KCNJ3: variants seen among roughly 807,000 people sequenced by gnomAD.
The protein encoded by KCNJ3 is G protein-activated inward rectifier potassium channel 1.
Under a neutral mutation model 39.2 loss-of-function variants are expected in KCNJ3, and 4 were observed. The ratio of observed to expected loss-of-function variants is 0.10; its 90% CI spans 0.05 to 0.23. The LOEUF is 0.23. Ranked by LOEUF, KCNJ3 falls within the 10% of genes least tolerant of loss-of-function variation. KCNJ3 has a pLI of 1.00. For synonymous variants in KCNJ3, 230 were observed against 237.4 expected, an observed-to-expected ratio of 0.97 and a Z score of 0.29; for missense variants, 276 against 634.9, an observed-to-expected ratio of 0.43 and a Z score of 6.08.
At chr2:154,798,580 C>T (rs889825854) in intron 2 of KCNJ3, among the ~76,000 whole-genome samples, 2 of 152,030 alleles carry the variant, frequency 1.3e-5, no homozygotes, top group Non-Finnish European at 2.9e-5. Context: ...TGGGATATAT[C>T]GGGATATATC....
chr2:154,744,074 T>G (rs1427953762), intron 2 of KCNJ3, among the ~76,000 whole-genome samples: 1 of 151,776 alleles, frequency 6.6e-6, no homozygotes, highest in African/African-American at 2.4e-5. Flanking sequence ...ATATTAGTAC[T>G]ATTTCTGCAT....
At chr2:154,730,290 A>T (rs548772890) in intron 2 of KCNJ3, among the ~76,000 whole-genome samples, 1 of 152,206 alleles carries the variant, frequency 6.6e-6, no homozygotes, top group African/African-American at 2.4e-5. Flanking sequence ...TTTTAGTTGT[A>T]CATATTTTTG....
chr2:154,783,077 C>T (rs1686466860), intron 2 of KCNJ3, among the ~76,000 whole-genome samples: 1 of 152,054 alleles, frequency 6.6e-6, no homozygotes, highest in Non-Finnish European at 1.5e-5. Context: ...ACTCGGGAGG[C>T]TGAGGCAGGA....
chr2:154,756,018 G>C (rs1302144013), intron 2 of KCNJ3, among the ~76,000 whole-genome samples: 2 of 151,906 alleles, frequency 1.3e-5, no homozygotes, highest in Admixed American at 1.3e-4. Context: ...TGTCACTTTG[G>C]GGCAGACCTT....
intron 2 of KCNJ3, among the ~76,000 whole-genome samples, chr2:154,779,919 A>C (rs911080139): frequency 6.6e-6 from 1 of 152,118 alleles, no homozygotes; most frequent in Non-Finnish European, 1.5e-5. Context: ...GCTTCAAAAC[A>C]TGCCTCTGTT....
chr2:154,729,545 GT>G (rs1685416889), intron 2 of KCNJ3, among the ~76,000 whole-genome samples: 4 of 152,064 alleles, frequency 2.6e-5, no homozygotes, highest in Admixed American at 2.0e-4. Context: ...AGGCCTTCTT[GT>G]TGTTGTTCTT....
intron 2 of KCNJ3, among the ~76,000 whole-genome samples, chr2:154,777,809 T>G (rs1032421194): frequency 6.6e-6 from 1 of 152,202 alleles, no homozygotes; most frequent in African/African-American, 2.4e-5. Flanking sequence ...GTTGTCCTAA[T>G]TTAATTTAGA....
chr2:154,813,033 T>C (rs1687028348), intron 2 of KCNJ3, among the ~76,000 whole-genome samples: 2 of 152,210 alleles, frequency 1.3e-5, no homozygotes, highest in South Asian at 4.1e-4. Context: ...GTTTTTCAAA[T>C]GCAGAAACTG....
chr2:154,845,334 G>T lies in KCNJ3; in HGVS notation c.920-9393G>T, dbSNP rs555342300. Among the ~76,000 whole-genome samples, 48 of 152,072 alleles carry T rather than the reference G, an allele frequency of 3.2e-4. No individual in the cohort carries two copies. In the East Asian group the frequency reaches 8.9e-3, roughly 28 times the overall value. On this transcript the variant is annotated intron_variant, in intron 2 of 2. Transcript: ENST00000295101. ...GGGTTTTACCATGTTGTTCAGGCTG[G>T]TCTCGAACTCCTGACCTCAAGTGAT... is the stretch of plus-strand genomic sequence containing the variant.
At chr2:154,707,685 C>A (rs1486898708) in intron 1 of KCNJ3, among the ~76,000 whole-genome samples, 1 of 151,940 alleles carries the variant, frequency 6.6e-6, no homozygotes, top group Non-Finnish European at 1.5e-5. Context: ...TCAACAATGC[C>A]ATGTAGTTCA....
intron 2 of KCNJ3, among the ~76,000 whole-genome samples, chr2:154,819,829 A>G (rs1687141837): frequency 6.6e-6 from 1 of 152,084 alleles, no homozygotes. Context: ...ACTCCCGGAT[A>G]CAACACTATT....
intron 2 of KCNJ3, among the ~76,000 whole-genome samples, chr2:154,726,792 T>C (rs1379446138): frequency 3.9e-5 from 4 of 101,316 alleles, no homozygotes; most frequent in African/African-American, 1.7e-4. Context: ...ACATTTTATA[T>C]ACATACACAC....
chr2:154,787,991 A>G (rs189545736), intron 2 of KCNJ3, among the ~76,000 whole-genome samples: 2 of 152,298 alleles, frequency 1.3e-5, no homozygotes, highest in East Asian at 3.9e-4. Context: ...GTGTTTAGAA[A>G]GACACATAGA....
intron 2 of KCNJ3, among the ~76,000 whole-genome samples, chr2:154,839,615 A>ATGAT (rs1315993097): frequency 6.6e-6 from 1 of 152,106 alleles, no homozygotes; most frequent in East Asian, 1.9e-4. Flanking sequence ...TGACTTTTTA[A>ATGAT]TGATTGCCTT....
At chr2:154,727,452 C>T (rs973660415) in intron 2 of KCNJ3, among the ~76,000 whole-genome samples, 7 of 151,154 alleles carry the variant, frequency 4.6e-5, no homozygotes, top group Non-Finnish European at 8.9e-5. Flanking sequence ...ATCAACCAGG[C>T]GTGGTGGTGC....
At chr2:154,731,969 T>A (rs1685456216) in intron 2 of KCNJ3, among the ~76,000 whole-genome samples, 1 of 151,980 alleles carries the variant, frequency 6.6e-6, no homozygotes, top group Non-Finnish European at 1.5e-5. Context: ...AGACTAAACA[T>A]GTTAAAATAC....
At chr2:154,753,710 G>T (rs1429612475) in intron 2 of KCNJ3, among the ~76,000 whole-genome samples, 1 of 50,502 alleles carries the variant, frequency 2.0e-5, no homozygotes, top group Non-Finnish European at 5.5e-5. Context: ...TGTTGGGAAG[G>T]GCTGACTGTG....
At position 154,846,821 on chromosome 2, in the gene KCNJ3, A is replaced by ATTGTAT. The variant is rs563680918; in HGVS notation, c.920-7902_920-7897dup. Among the ~76,000 whole-genome samples the ATTGTAT allele has an allele frequency of 2.2e-3, 332 of 152,258 alleles. 1 individual carries two copies. Among genetic ancestry groups the ATTGTAT allele is most frequent in the African/African-American group, 7.6e-3 (317 of 41,570 alleles). ...TTCTGGGAGCTTAGAAACCTTAAGTATTGTATTTGAAATATTTGTTTCTAA... is the reference window on the plus strand; with the variant it reads ...TTCTGGGAGCTTAGAAACCTTAAGTATTGTATTTGTATTTGAAATATTTGTTTCTAA... On this transcript the variant is annotated intron_variant, in intron 2 of 2. Transcript: ENST00000295101.
chr2:154,716,465 A>C (rs1685183418), intron 2 of KCNJ3, among the ~76,000 whole-genome samples: 1 of 151,638 alleles, frequency 6.6e-6, no homozygotes, highest in Non-Finnish European at 1.5e-5. Context: ...AGTGAGATTG[A>C]AATTATTGTA....
Sources: allele counts gnomAD v4.1 joint callset (sites outside exome capture counted in the v4.1 genomes callset), GRCh38; gene constraint gnomAD v4.1.1; transcripts MANE v1.5; gene names NCBI Gene and HGNC (gene_info 2026-07-23, HGNC 2026-07-21).